The following NINJ2 variants were observed in gnomAD, a reference collection of about 807,000 sequenced individuals.
NINJ2 encodes ninjurin 2.
NINJ2 carries 12 observed loss-of-function variants against 11.7 expected under a neutral mutation model. That is an observed-to-expected ratio of 1.02 (90% CI 0.66 to 1.66). NINJ2 has a LOEUF of 1.66. Among genes scored for constraint, NINJ2 ranks in the 40% most tolerant of loss-of-function variants. The pLI is 0.00. For missense variants in NINJ2, 187 were observed against 181.8 expected, an observed-to-expected ratio of 1.03 and a Z score of -0.16; for synonymous variants, 93 against 76.8, an observed-to-expected ratio of 1.21 and a Z score of -1.10.
At chr12:623,739 T>C (rs114897025) in intron 1 of NINJ2, among the ~76,000 whole-genome samples, 1,730 of 152,238 alleles carry the variant, frequency 0.011, 33 homozygotes, top group African/African-American at 0.04. Context: ...TTGGGCAATA[T>C]TTCAAAGAGT....
rs1282730815 is a variant in NINJ2, at chr12:573,056, C to T, written c.34-6878G>A. Among the ~76,000 whole-genome samples, 13 of 137,484 alleles carry T rather than the reference C, an allele frequency of 9.5e-5. No homozygotes were observed. The East Asian group carries it at 1.3e-3, about 14-fold the overall frequency. 90.2% of individuals were successfully genotyped at this position (137,484 alleles called of 152,430 possible). ...TTTTTTTTTTTTTGAGACAGAGTCT[C>T]GCTCTGTCGCCTAGGCTGGAGTGCA... On this transcript the variant is annotated intron_variant, in intron 1 of 3. Transcript: ENST00000305108.
At chr12:650,358 C>T (rs557026824) in intron 1 of NINJ2, among the ~76,000 whole-genome samples, 7 of 152,088 alleles carry the variant, frequency 4.6e-5, no homozygotes, top group Admixed American at 2.6e-4. Context: ...GGTGATGTAC[C>T]GAAGTGCTAG....
intron 1 of NINJ2, among the ~76,000 whole-genome samples, chr12:636,394 A>G (rs10774390): frequency 5.9e-3 from 69 of 11,786 alleles, no homozygotes; most frequent in Admixed American, 0.039. Flanking sequence ...TAAATAAATA[A>G]ATAGATAAAT....
At position 643,447 on chromosome 12, in the gene NINJ2, C is replaced by T. The variant is rs1385104234; in HGVS notation, c.33+19881G>A. 4 of 988,144 alleles carry T rather than the reference C, an allele frequency of 4.0e-6. No individual in the cohort carries two copies. The African/African-American group carries it at 7.0e-5, about 17-fold the overall frequency. The allele number at this position is 988,144 out of a possible 1,614,324, so 61.2% of individuals were successfully genotyped here. The stretch of plus-strand genomic sequence containing the variant: ...GCTCCGCCGCGACGCGGCTCACAAA[C>T]TAGGGAGGGGAGAAGGGAAGAAAGA... On this transcript the variant is annotated intron_variant, in intron 1 of 3. Coordinates refer to ENST00000305108, the MANE Select transcript of NINJ2 (RefSeq NM_016533.6).
At chr12:618,055 A>C (rs1430229560) in intron 1 of NINJ2, among the ~76,000 whole-genome samples, 1 of 151,794 alleles carries the variant, frequency 6.6e-6, no homozygotes, top group Non-Finnish European at 1.5e-5. Context: ...ACTGCATAAA[A>C]GCCTCCTCTC....
intron 1 of NINJ2, among the ~76,000 whole-genome samples, chr12:612,174 A>T (rs1460389890): frequency 6.6e-6 from 1 of 152,190 alleles, no homozygotes; most frequent in African/African-American, 2.4e-5. Flanking sequence ...AACACCGTGG[A>T]GCTACTGTAT....
At position 585,542 on chromosome 12, in the gene NINJ2, AGG is replaced by A. The variant is rs1947624632; in HGVS notation, c.34-19366_34-19365del. Among the ~76,000 whole-genome samples the A allele has an allele frequency of 2.8e-5, 2 of 70,190 alleles. No homozygotes were observed. Among genetic ancestry groups the A allele is most frequent in the Non-Finnish European group, 6.1e-5 (2 of 33,050 alleles). The allele number at this position is 70,190 out of a possible 152,430, so 46.0% of individuals were successfully genotyped here. ...GAAGGGAAGGGAACGGTTGGAGGGA[AGG>A]GAAGGGAACGGTTGGAGGGAAGGGA... is the stretch of plus-strand genomic sequence containing the variant. On this transcript the variant is annotated intron_variant, in intron 1 of 3. Transcript: ENST00000305108. The surrounding 1 kb of genome is among the most constrained non-coding windows in gnomAD (Gnocchi z 4.1).
chr12:576,453 T>C (rs1203468498), intron 1 of NINJ2, among the ~76,000 whole-genome samples: 1 of 152,042 alleles, frequency 6.6e-6, no homozygotes, highest in Admixed American at 6.5e-5. Flanking sequence ...AGCACGTGCG[T>C]TGAAACCGGA....
intron 1 of NINJ2, among the ~76,000 whole-genome samples, chr12:608,623 G>C (rs1441074383): frequency 6.6e-6 from 1 of 152,212 alleles, no homozygotes; most frequent in African/African-American, 2.4e-5. Context: ...CCGTGACACA[G>C]GGACAGCCTG....
At chr12:593,856 A>T (rs1416928915) in intron 1 of NINJ2, among the ~76,000 whole-genome samples, 1 of 152,258 alleles carries the variant, frequency 6.6e-6, no homozygotes, top group Admixed American at 6.5e-5. Flanking sequence ...TCACCAACTT[A>T]TCAGGGAAGG....
intron 1 of NINJ2, among the ~76,000 whole-genome samples, chr12:652,209 G>T (rs1937805631): frequency 6.6e-6 from 1 of 152,042 alleles, no homozygotes; most frequent in Non-Finnish European, 1.5e-5. Flanking sequence ...GAAGAACAAA[G>T]ATAAGAATTA....
At chr12:568,485 G>C (rs546304116) in intron 1 of NINJ2, among the ~76,000 whole-genome samples, 3 of 152,304 alleles carry the variant, frequency 2.0e-5, no homozygotes, top group East Asian at 3.9e-4. Flanking sequence ...ACACATTCAA[G>C]AGGCACAGGG....
chr12:651,684 G>A (rs1244908111), intron 1 of NINJ2, among the ~76,000 whole-genome samples: 2 of 152,190 alleles, frequency 1.3e-5, no homozygotes, highest in East Asian at 1.9e-4. Context: ...GAATATGCTA[G>A]GGGTGCTAAC....
chr12:660,825 G>A (rs895665810), intron 1 of NINJ2, among the ~76,000 whole-genome samples: 1 of 152,118 alleles, frequency 6.6e-6, no homozygotes, highest in African/African-American at 2.4e-5. Context: ...GCCAAGTGTG[G>A]TGGTACATGC....
intron 1 of NINJ2, among the ~76,000 whole-genome samples, chr12:600,093 G>C (rs1947847449): frequency 6.6e-6 from 1 of 152,172 alleles, no homozygotes; most frequent in Admixed American, 6.5e-5. Context: ...GAGCCACTGG[G>C]GGGTCTTGGC....
chr12:594,372 T>A (rs1947756049), intron 1 of NINJ2, among the ~76,000 whole-genome samples: 1 of 152,202 alleles, frequency 6.6e-6, no homozygotes, highest in Non-Finnish European at 1.5e-5. Context: ...AATCAACTAC[T>A]CATGTACTCC....
chr12:583,737 G>A (rs894780310), intron 1 of NINJ2, among the ~76,000 whole-genome samples: 4 of 152,198 alleles, frequency 2.6e-5, no homozygotes, highest in South Asian at 4.1e-4. Context: ...CCCCTGCAAA[G>A]CCTCGAAGTG....
rs981033859 is a variant in NINJ2, at chr12:580,892, C to T, written c.34-14714G>A. ...TGTGTGAATGTGTCTATGCATGTGT[C>T]TGTGTGTCTGTGTGTGTGTCTGTAT... is the stretch of plus-strand genomic sequence containing the variant. On this transcript the variant is annotated intron_variant, in intron 1 of 3. Transcript: ENST00000305108. The surrounding 1 kb of genome is among the most constrained non-coding windows in gnomAD (Gnocchi z 4.7). Among the ~76,000 whole-genome samples, 1 of 149,614 alleles carries T rather than the reference C, an allele frequency of 6.7e-6. No homozygotes were observed. Among genetic ancestry groups the T allele is most frequent in the Non-Finnish European group, 1.5e-5 (1 of 67,444 alleles).
intron 1 of NINJ2, among the ~76,000 whole-genome samples, chr12:569,378 T>A (rs1264356265): frequency 6.6e-6 from 1 of 152,192 alleles, no homozygotes; most frequent in Non-Finnish European, 1.5e-5. Flanking sequence ...CAAGAGAGTC[T>A]CACCCCCTGC....
Sources: allele counts gnomAD v4.1 joint callset (sites outside exome capture counted in the v4.1 genomes callset), GRCh38; gene constraint gnomAD v4.1.1; non-coding constraint Gnocchi (gnomAD v3.1); transcripts MANE v1.5; gene names NCBI Gene and HGNC (gene_info 2026-07-23, HGNC 2026-07-21).